The following VWDE variants were observed in gnomAD, a reference collection of about 807,000 sequenced individuals.
VWDE encodes von Willebrand factor D and EGF domain-containing protein.
VWDE carries 207 observed loss-of-function variants against 178.4 expected under a neutral mutation model. That is an observed-to-expected ratio of 1.16 (90% CI 1.04 to 1.30). The LOEUF (loss-of-function observed/expected upper bound fraction) is 1.30. Ranked by LOEUF, VWDE falls within the 50% of genes most tolerant of loss-of-function variation. VWDE has a pLI of 0.00. For synonymous variants in VWDE, 738 were observed against 651.4 expected (o/e 1.13, Z -2.02); for missense variants, 2,287 against 1,901.3 (o/e 1.20, Z -3.77).
intron 17 of VWDE, 140 bp from the exon 18 acceptor site, chr7:12,356,470 AC>A (rs71027492): frequency 1.5e-6 from 1 of 653,370 alleles, no homozygotes; most frequent in Non-Finnish European, 2.6e-6. Context: ...ACACACACAC[AC>A]AAATGTAATA....
chr7:12,352,898 T>C (rs1354438516), intron 18 of VWDE, among the ~76,000 whole-genome samples: 3 of 152,222 alleles, frequency 2.0e-5, no homozygotes, highest in Non-Finnish European at 4.4e-5. Flanking sequence ...TTTGTCCATT[T>C]TCCTCTAAAT....
chr7:12,380,164 C>G (rs981425754), intron 5 of VWDE, among the ~76,000 whole-genome samples: 1 of 150,956 alleles, frequency 6.6e-6, no homozygotes, highest in South Asian at 2.1e-4. Context: ...AACATTTTTT[C>G]TAGAATAAAC....
intron 1 of VWDE, among the ~76,000 whole-genome samples, chr7:12,397,796 C>A (rs1161825246): frequency 6.6e-6 from 1 of 152,004 alleles, no homozygotes; most frequent in Non-Finnish European, 1.5e-5. Context: ...AAATGGCCAA[C>A]AAACATGAGA....
At chr7:12,365,635 A>G (rs1168977710) in intron 13 of VWDE, among the ~76,000 whole-genome samples, 9 of 152,020 alleles carry the variant, frequency 5.9e-5, no homozygotes, top group Admixed American at 2.0e-4. Context: ...CATTCCACAC[A>G]AAGTGAATGC....
intron 26 of VWDE, 35 bp from the exon 27 acceptor site, chr7:12,336,271 A>C (rs1344906333): frequency 3.3e-6 from 5 of 1,519,212 alleles, no homozygotes; most frequent in Non-Finnish European, 4.5e-6. Context: ...TAAAATTTTA[A>C]ATTACTAGTC....
intron 23 of VWDE, among the ~76,000 whole-genome samples, chr7:12,341,457 C>T (rs1200258117): frequency 6.6e-6 from 1 of 152,006 alleles, no homozygotes; most frequent in Non-Finnish European, 1.5e-5. Context: ...CATGGTGAAA[C>T]CCCGTCTCTA....
In VWDE at chr7:12,355,962, T is replaced by G. The variant is rs761313718; in HGVS notation, c.3745+149A>C. ...TTGCAATTTACAAAAACAAGGGATA[T>G]GGATAGTAATTATATTTGTAATAAC... On this transcript the variant is annotated intron_variant, in intron 18 of 28. Transcript: ENST00000275358. The G allele has an allele frequency of 3.7e-4, 269 of 728,568 alleles. 1 individual carries two copies. The highest frequency in any genetic ancestry group is 1.2e-3 in the Middle Eastern group (3 of 2,526). The allele number at this position is 728,568 out of a possible 1,614,324, so 45.1% of individuals were successfully genotyped here. A position where few individuals can be genotyped will look rare whatever the true frequency, so the allele number is the denominator to read the frequency against.
At chr7:12,390,707 A>C (rs1339848036) in intron 2 of VWDE, among the ~76,000 whole-genome samples, 2 of 152,106 alleles carry the variant, frequency 1.3e-5, no homozygotes, top group African/African-American at 4.8e-5. Context: ...AAAATGTACA[A>C]ATAGGTAATT....
In VWDE at chr7:12,356,284, G is replaced by GATA; in HGVS notation, c.3569_3571dup (p.Val1190_Ser1191insLeu). The GATA allele has an allele frequency of 1.9e-6, 3 of 1,551,484 alleles. No homozygotes were observed. In the South Asian group the frequency reaches 3.6e-5, roughly 18 times the overall value. On this transcript the variant is annotated inframe_insertion, in exon 18 of 29. Transcript: ENST00000275358. ...ACTCCCTGGAGAAAAGTTCCTATCA[G>GATA]ATACACATGATCCACCATTCAAGCA...
At chr7:12,366,971 A>G (rs1197735117) in intron 13 of VWDE, among the ~76,000 whole-genome samples, 3 of 152,062 alleles carry the variant, frequency 2.0e-5, no homozygotes, top group African/African-American at 7.2e-5. Context: ...AATAAATGCA[A>G]TTAGTCCTCA....
intron 13 of VWDE, among the ~76,000 whole-genome samples, chr7:12,361,772 A>G (rs1215392957): frequency 1.3e-5 from 2 of 152,076 alleles, no homozygotes; most frequent in Non-Finnish European, 2.9e-5. Flanking sequence ...GAAGTTACCA[A>G]TATTGGTCAT....
At chr7:12,351,828 G>T (rs6460933) in intron 18 of VWDE, 115 bp from the exon 19 acceptor site, 1 of 855,590 alleles carries the variant, frequency 1.2e-6, no homozygotes, top group Admixed American at 3.3e-5. Context: ...AAATTAGACT[G>T]AATAACTCAC....
chr7:12,330,974 T>C lies in VWDE; in HGVS notation c.*209A>G, dbSNP rs73290465. The C allele has an allele frequency of 5.8e-3, 2,892 of 497,610 alleles. 63 individuals are homozygous for C. The highest frequency in any genetic ancestry group is 0.053 in the African/African-American group (2,631 of 49,938). The allele number at this position is 497,610 out of a possible 1,614,324, so 30.8% of individuals were successfully genotyped here. A position where few individuals can be genotyped will look rare whatever the true frequency, so the allele number is the denominator to read the frequency against. ...CTCAATATGTAAATATCCTATCCCA[T>C]CTCAACATCAAATTTAGATTACCTG... On this transcript the variant is annotated 3_prime_UTR_variant, in exon 29 of 29. Transcript: ENST00000275358.
chr7:12,357,247 T>C lies in VWDE; in HGVS notation c.3525+18A>G, dbSNP rs551682151. The C allele has an allele frequency of 3.1e-5, 48 of 1,547,498 alleles. No individual in the cohort carries two copies. Among genetic ancestry groups the C allele is most frequent in the Middle Eastern group, 1.7e-4 (1 of 5,992 alleles). On this transcript the variant is annotated intron_variant, in intron 17 of 28. Coordinates refer to ENST00000275358, the MANE Select transcript of VWDE (RefSeq NM_001135924.3). ...TTGCAAAAGAATCCAGTGGCACTTA[T>C]GTAATTATAAAGATTACCTCAATCG...
intron 1 of VWDE, among the ~76,000 whole-genome samples, 185 bp downstream of exon 1, chr7:12,403,474 G>A (rs1013085074): frequency 6.6e-6 from 1 of 152,254 alleles, no homozygotes; most frequent in African/African-American, 2.4e-5. Context: ...GAGTTTTCAA[G>A]CTGGAAATTG....
At chr7:12,345,966 C>G (rs959698672) in intron 19 of VWDE, among the ~76,000 whole-genome samples, 2 of 152,016 alleles carry the variant, frequency 1.3e-5, no homozygotes, top group African/African-American at 4.8e-5. Context: ...TATAGCTACA[C>G]AACCAAAAAA....
intron 19 of VWDE, among the ~76,000 whole-genome samples, chr7:12,349,619 G>GT (rs1781821278): frequency 1.3e-5 from 2 of 151,274 alleles, no homozygotes; most frequent in African/African-American, 4.8e-5. Flanking sequence ...TATAGGATCA[G>GT]AATATATGAA....
rs1431841010 is a variant in VWDE at position 12,374,725 on chromosome 7, G to T, written c.1280C>A (p.Thr427Lys). The T allele has an allele frequency of 1.9e-6, 3 of 1,541,066 alleles. No individual in the cohort carries two copies. The Admixed American group carries it at 6.1e-5, about 31-fold the overall frequency. ...VKDVPTAYCY[T>K]FTDPHIITFD... Reference sequence around the variant, plus strand: ...TGTAATTATATGTGGGTCAGTAAATGTATAGCAGTAAGCAGTTGGGACATC... The same window carrying T: ...TGTAATTATATGTGGGTCAGTAAATTTATAGCAGTAAGCAGTTGGGACATC... Residue 427 changes from threonine to lysine, a missense_variant, in exon 9 of 29, where the codon ACA becomes AAA. Thr to Lys is a moderately conservative substitution (Grantham distance 78). Transcript: ENST00000275358.
At chr7:12,346,871 A>G (rs537579072) in intron 19 of VWDE, among the ~76,000 whole-genome samples, 213 of 152,238 alleles carry the variant, frequency 1.4e-3, no homozygotes, top group African/African-American at 5.0e-3. Context: ...AAGCATTAAG[A>G]TTTTATGTAA....
Sources: allele counts gnomAD v4.1 joint callset (sites outside exome capture counted in the v4.1 genomes callset), GRCh38; gene constraint gnomAD v4.1.1; transcripts MANE v1.5; gene names NCBI Gene and HGNC (gene_info 2026-07-23, HGNC 2026-07-21).